Variants in DLGAP1 observed in about 807,000 individuals in gnomAD.
DLGAP1 encodes the protein DLG associated protein 1.
Under a neutral mutation model 90.8 loss-of-function variants are expected in DLGAP1, and 11 were observed. The ratio of observed to expected loss-of-function variants is 0.12; its 90% CI spans 0.08 to 0.20. The LOEUF (loss-of-function observed/expected upper bound fraction) is 0.20. Among genes scored for constraint, DLGAP1 ranks in the 10% least tolerant of loss-of-function variants. The pLI, the probability that DLGAP1 is intolerant of heterozygous loss-of-function variation, is 1.00. For synonymous variants in DLGAP1, 558 were observed against 540.7 expected, an observed-to-expected ratio of 1.03 and a Z score of -0.44; for missense variants, 1,050 against 1,333.8, an observed-to-expected ratio of 0.79 and a Z score of 3.31.
chr18:3,841,422 T>C (rs776888721), intron 4 of DLGAP1, among the ~76,000 whole-genome samples: 22 of 152,174 alleles, frequency 1.4e-4, no homozygotes, highest in Non-Finnish European at 2.6e-4. Flanking sequence ...GGGCTGACTA[T>C]TGGAGATCAG....
At position 4,292,131 on chromosome 18, in the gene DLGAP1, A is replaced by T. The variant is rs2079863787; in HGVS notation, c.-266-140844T>A. On this transcript the variant is annotated intron_variant, in intron 1 of 12. Transcript: ENST00000315677. ...AGATATTTCCAATCTGTATTCTGCC[A>T]TTAATGAACTCAATTGTTCAAAATT... 2.6e-5 allele frequency among the ~76,000 whole-genome samples: 4 copies of T among 152,226 alleles called. No homozygotes were observed. The South Asian group carries it at 8.3e-4, about 31-fold the overall frequency.
chr18:3,875,487 T>C (rs1308470085), intron 4 of DLGAP1, among the ~76,000 whole-genome samples: 1 of 152,184 alleles, frequency 6.6e-6, no homozygotes, highest in Non-Finnish European at 1.5e-5. Context: ...TTCCTCTGCT[T>C]TGTATTTGGA....
chr18:3,641,406 G>A (rs560690692), intron 7 of DLGAP1, among the ~76,000 whole-genome samples: 3 of 149,156 alleles, frequency 2.0e-5, no homozygotes, highest in Non-Finnish European at 2.9e-5. Flanking sequence ...GTGTGGTGGC[G>A]GGCACCTGTA....
chr18:4,446,439 A>ACGCAGCAGC (rs1555620249), intron 1 of DLGAP1, among the ~76,000 whole-genome samples: 3 of 151,242 alleles, frequency 2.0e-5, no homozygotes, highest in Non-Finnish European at 4.4e-5. Context: ...TTGTGAAGTC[A>ACGCAGCAGC]AGCAGCAGCA....
chr18:4,226,194 A>G (rs2078183510), intron 1 of DLGAP1, among the ~76,000 whole-genome samples: 1 of 152,264 alleles, frequency 6.6e-6, no homozygotes, highest in East Asian at 1.9e-4. Flanking sequence ...TAGGATATCC[A>G]GCAAAAATAT....
chr18:3,567,042 T>A (rs1428301086), intron 9 of DLGAP1, among the ~76,000 whole-genome samples: 1 of 144,712 alleles, frequency 6.9e-6, no homozygotes, highest in East Asian at 2.0e-4. Flanking sequence ...ATATCTTCTT[T>A]TTCATTCATT....
intron 1 of DLGAP1, among the ~76,000 whole-genome samples, chr18:4,451,118 C>T (rs916749521): frequency 6.6e-6 from 1 of 152,146 alleles, no homozygotes; most frequent in Non-Finnish European, 1.5e-5. Context: ...ATGAAGATAA[C>T]CCTGTTTCTC....
rs571755312 is a variant in DLGAP1, at chr18:3,772,010, A to G, written c.1173-29498T>C. ...GAACAGAAGCGCAAATTTAAAATAC[A>G]ATAGAATTATGAATAGATTGCAATA... On this transcript the variant is annotated intron_variant, in intron 5 of 12. Coordinates refer to ENST00000315677, the MANE Select transcript of DLGAP1 (RefSeq NM_004746.4). 5.3e-5 allele frequency among the ~76,000 whole-genome samples: 8 copies of G among 152,374 alleles called. No homozygotes were observed. The South Asian group carries it at 1.4e-3, about 28-fold the overall frequency.
At chr18:3,802,294 T>C (rs771876760) in intron 5 of DLGAP1, among the ~76,000 whole-genome samples, 12 of 152,224 alleles carry the variant, frequency 7.9e-5, no homozygotes, top group Non-Finnish European at 1.3e-4. Flanking sequence ...GCAGGCCATC[T>C]TTCTAAAACA....
chr18:4,443,505 T>C (rs2083587380), intron 1 of DLGAP1, among the ~76,000 whole-genome samples: 1 of 152,344 alleles, frequency 6.6e-6, no homozygotes, highest in Admixed American at 6.5e-5. Flanking sequence ...ATGGTTTTCA[T>C]TAGAGTAATA....
chr18:3,761,578 C>CT (rs540575856), intron 5 of DLGAP1, among the ~76,000 whole-genome samples: 2,798 of 135,330 alleles, frequency 0.021, 30 homozygotes, highest in African/African-American at 0.023. Flanking sequence ...TTCTTTCTTT[C>CT]TTTTTTTTTT....
intron 4 of DLGAP1, among the ~76,000 whole-genome samples, chr18:3,855,386 C>T (rs1280277838): frequency 6.6e-6 from 1 of 151,860 alleles, no homozygotes. Flanking sequence ...CCTTGGCAGG[C>T]AATTTGCCTA....
chr18:4,145,964 T>C (rs2076579418), intron 2 of DLGAP1, among the ~76,000 whole-genome samples: 1 of 152,210 alleles, frequency 6.6e-6, no homozygotes, highest in African/African-American at 2.4e-5. Context: ...GAACCAGAGC[T>C]ATCCCGTGTA....
intron 4 of DLGAP1, among the ~76,000 whole-genome samples, chr18:3,855,628 T>G (rs1172783336): frequency 3.9e-5 from 6 of 152,268 alleles, no homozygotes; most frequent in Admixed American, 3.9e-4. Context: ...AATTTATTTA[T>G]TTTGAGACGG....
intron 3 of DLGAP1, among the ~76,000 whole-genome samples, chr18:3,988,214 G>A (rs2073882812): frequency 6.6e-6 from 1 of 151,920 alleles, no homozygotes; most frequent in South Asian, 2.1e-4. Context: ...ATTCCGCCTT[G>A]ACTTTAACCC....
intron 2 of DLGAP1, among the ~76,000 whole-genome samples, chr18:4,083,782 C>A (rs1261120535): frequency 6.6e-6 from 1 of 152,024 alleles, no homozygotes; most frequent in African/African-American, 2.4e-5. Context: ...GGGCTCTGAC[C>A]CCATGGTAGC....
At chr18:4,309,749 G>A (rs1568505584) in intron 1 of DLGAP1, among the ~76,000 whole-genome samples, 1 of 152,138 alleles carries the variant, frequency 6.6e-6, no homozygotes, top group Non-Finnish European at 1.5e-5. Context: ...TCCTCCCCTA[G>A]TGACCTAGGA....
At position 4,251,039 on chromosome 18, in the gene DLGAP1, G is replaced by A. The variant is rs1458483472; in HGVS notation, c.-266-99752C>T. Reference sequence around the variant, plus strand: ...ACAAGTGAAATCTATAATGCCCCAGGAAACAGCGTTAAACTGGAGTATTAG... The same window carrying A: ...ACAAGTGAAATCTATAATGCCCCAGAAAACAGCGTTAAACTGGAGTATTAG... On this transcript the variant is annotated intron_variant, in intron 1 of 12. Transcript: ENST00000315677. 2.6e-5 allele frequency among the ~76,000 whole-genome samples: 4 copies of A among 152,184 alleles called. No individual in the cohort carries two copies. The East Asian group carries it at 7.7e-4, about 29-fold the overall frequency.
At chr18:3,760,831 G>T (rs866521909) in intron 5 of DLGAP1, among the ~76,000 whole-genome samples, 1 of 151,974 alleles carries the variant, frequency 6.6e-6, no homozygotes, top group African/African-American at 2.4e-5. Flanking sequence ...GATTTTCTGT[G>T]GGGGGTGGTT....
Sources: gnomAD v4.1 joint callset for allele counts (sites outside exome capture counted in the v4.1 genomes callset) on GRCh38, gnomAD v4.1.1 for gene constraint, MANE v1.5 for transcripts, NCBI Gene and HGNC (gene_info 2026-07-23, HGNC 2026-07-21) for gene names.